NOL4L: variants seen among roughly 807,000 people sequenced by gnomAD.
The protein encoded by NOL4L is nucleolar protein 4 like.
In NOL4L, 7 loss-of-function variants were observed where a neutral mutation model predicts 64.5. The observed-to-expected ratio is 0.11, with a 90% CI of 0.06 to 0.20. The LOEUF is 0.20. NOL4L is among the 10% of genes least tolerant of loss of function. The pLI is 1.00. For missense variants in NOL4L, 680 were observed against 967.1 expected (o/e 0.70, Z 3.94); for synonymous variants, 413 against 401.0 (o/e 1.03, Z -0.36).
intron 4 of NOL4L, among the ~76,000 whole-genome samples, chr20:32,495,319 ACT>A (rs1449081637): frequency 6.6e-6 from 1 of 152,106 alleles, no homozygotes; most frequent in Non-Finnish European, 1.5e-5. Context: ...GGGCTCTGTG[ACT>A]CATATCTGTC....
At position 32,447,296 on chromosome 20, in the gene NOL4L, T is replaced by C. The variant is rs1365018670; in HGVS notation, c.*300A>G. 6.8e-6 allele frequency: 4 copies of C among 586,922 alleles called. No homozygotes were observed. Among genetic ancestry groups the C allele is most frequent in the African/African-American group, 5.7e-5 (3 of 52,600 alleles). 36.4% of individuals were successfully genotyped at this position (586,922 alleles called of 1,614,324 possible). ...ACATCAGGGTCCACGAAGGTGATTC[T>C]AAACAGAGCTGCAGCCCCAGCGCCT... On this transcript the variant is annotated 3_prime_UTR_variant, in exon 11 of 11. Coordinates refer to ENST00000621426, the MANE Select transcript of NOL4L (RefSeq NM_001256798.2).
chr20:32,566,706 GC>G (rs1979452456), intron 1 of NOL4L, among the ~76,000 whole-genome samples: 1 of 152,134 alleles, frequency 6.6e-6, no homozygotes, highest in East Asian at 1.9e-4. Context: ...ATAGCTGAAG[GC>G]CTCTCACTGA....
intron 1 of NOL4L, among the ~76,000 whole-genome samples, chr20:32,583,891 A>AC (rs200234225): frequency 6.8e-6 from 1 of 147,072 alleles, no homozygotes; most frequent in Non-Finnish European, 1.5e-5. Context: ...CCCCCGTCCC[A>AC]TGAAGGGGGA....
intron 3 of NOL4L, among the ~76,000 whole-genome samples, chr20:32,515,729 G>A (rs376564916): frequency 1.3e-5 from 2 of 152,126 alleles, no homozygotes; most frequent in African/African-American, 4.8e-5. Context: ...TGCCACACTC[G>A]AGCCTCTACA....
intron 1 of NOL4L, among the ~76,000 whole-genome samples, chr20:32,566,077 G>C (rs1023688228): frequency 6.6e-6 from 1 of 152,146 alleles, no homozygotes; most frequent in East Asian, 1.9e-4. Flanking sequence ...AACATTTACT[G>C]AGAAGCTCCT....
chr20:32,488,805 TTTTCTTTC>T (rs1185112628), intron 4 of NOL4L, among the ~76,000 whole-genome samples: 403 of 30,188 alleles, frequency 0.013, 31 homozygotes, highest in Non-Finnish European at 0.014. Context: ...CTTTCTTTCT[TTTTCTTTC>T]TTTCTTTCTT....
At chr20:32,528,850 AG>A (rs939047042) in intron 1 of NOL4L, among the ~76,000 whole-genome samples, 9 of 152,228 alleles carry the variant, frequency 5.9e-5, no homozygotes, top group African/African-American at 2.2e-4. Flanking sequence ...TGGGGACGTT[AG>A]GGGGCTTTGA....
chr20:32,511,694 A>T (rs953310480), intron 3 of NOL4L, among the ~76,000 whole-genome samples: 5 of 152,190 alleles, frequency 3.3e-5, no homozygotes, highest in African/African-American at 1.2e-4. Flanking sequence ...ACACGTTAAA[A>T]AACAATGAGG....
chr20:32,468,168 C>T (rs976587676), intron 5 of NOL4L, among the ~76,000 whole-genome samples: 32 of 152,138 alleles, frequency 2.1e-4, no homozygotes, highest in African/African-American at 7.2e-4. Context: ...GGGGAAGGGC[C>T]GGCCAGATCC....
At chr20:32,538,804 G>A (rs781091331) in intron 1 of NOL4L, among the ~76,000 whole-genome samples, 106 of 152,328 alleles carry the variant, frequency 7.0e-4, no homozygotes, top group South Asian at 6.2e-4. Flanking sequence ...CGTCGCTCCC[G>A]TCTAGCCGGC....
chr20:32,483,599 G>C, intron 4 of NOL4L: 2 of 821,174 alleles, frequency 2.4e-6, no homozygotes, highest in Non-Finnish European at 2.9e-6. Flanking sequence ...CGGAGGAAGG[G>C]GGAGGGGGCA....
chr20:32,486,907 C>CA, intron 4 of NOL4L: 1 of 407,620 alleles, frequency 2.5e-6, no homozygotes, highest in East Asian at 7.2e-5. Flanking sequence ...AGAAACTCCA[C>CA]AACACAACAG....
At chr20:32,518,615 G>A (rs1252368982) in intron 3 of NOL4L, among the ~76,000 whole-genome samples, 2 of 152,244 alleles carry the variant, frequency 1.3e-5, no homozygotes, top group African/African-American at 4.8e-5. Flanking sequence ...AGCCCCTCTT[G>A]GCTTCGCCTC....
At chr20:32,472,182 G>C (rs1219556529) in intron 5 of NOL4L, among the ~76,000 whole-genome samples, 1 of 152,216 alleles carries the variant, frequency 6.6e-6, no homozygotes, top group Non-Finnish European at 1.5e-5. Context: ...TGGTGTGCTT[G>C]GGTAGGTCTC....
At chr20:32,461,418 TTTC>T (rs200830354) in intron 5 of NOL4L, among the ~76,000 whole-genome samples, 13,342 of 64,472 alleles carry the variant, frequency 0.21, 1,400 homozygotes, top group East Asian at 0.47. Context: ...CTACCTTTCT[TTTC>T]TTTTTTTTTT....
intron 4 of NOL4L, 28 bp downstream of exon 4, chr20:32,511,319 G>C: frequency 4.1e-6 from 6 of 1,451,554 alleles, no homozygotes; most frequent in Non-Finnish European, 5.7e-6. Context: ...ACGCCTCCAG[G>C]TGGGGTGAGG....
rs535649596 is a variant in NOL4L, at chr20:32,486,012, C to T, written c.700-11270G>A. On this transcript the variant is annotated intron_variant, in intron 4 of 10. Transcript: ENST00000621426. ...GCAGTGATTTTCTGTAGGCATGAAA[C>T]GTGAACTCATTTACTATCCCTGAGA... 6.4e-4 allele frequency among the ~76,000 whole-genome samples: 98 copies of T among 152,314 alleles called. 1 individual carries two copies. Among genetic ancestry groups the T allele is most frequent in the Admixed American group, 8.5e-4 (13 of 15,298 alleles).
At position 32,453,281 on chromosome 20, in the gene NOL4L, TG is replaced by T; in HGVS notation, c.1497+22del. On this transcript the variant is annotated intron_variant, in intron 8 of 10. Transcript: ENST00000621426. This position sits in a 1 kb window ranked among gnomAD's most constrained non-coding sequence, Gnocchi z 5.6. ...TCAGTAGTGGCACCGAGGGAAAGTG[TG>T]GGCCAGGCAGGGGGGACTCACCATC... 1 of 1,606,612 alleles carries T rather than the reference TG, an allele frequency of 6.2e-7. No homozygotes were observed. The highest frequency in any genetic ancestry group is 8.5e-7 in the Non-Finnish European group (1 of 1,174,792).
rs1434322081 is a variant in NOL4L at position 32,474,678 on chromosome 20, G to A, written c.764C>T (p.Pro255Leu). The change falls in exon 5 of 11, where the codon CCG becomes CTG. Residue 255 changes from proline (P) to leucine (L), a missense_variant. By Grantham distance (98) the Pro-to-Leu change is moderately conservative. This residue lies in a region of NOL4L where 254 missense variants were observed against 238.7 expected (regional missense o/e 1.06). Coordinates refer to ENST00000621426, the MANE Select transcript of NOL4L (RefSeq NM_001256798.2). Reference protein sequence around the residue: ...MSDSTWMSADPHLASSLSPSQ... With the variant: ...MSDSTWMSADLHLASSLSPSQ... ...GGGGCTCAGGCTGGAGGCCAGGTGCGGGTCAGCTGACATCCATGTGGAGTC... is the reference window on the plus strand; with the variant it reads ...GGGGCTCAGGCTGGAGGCCAGGTGCAGGTCAGCTGACATCCATGTGGAGTC... The A allele has an allele frequency of 1.7e-5, 28 of 1,613,670 alleles. 1 individual carries two copies. Among genetic ancestry groups the A allele is most frequent in the East Asian group, 6.7e-5 (3 of 44,890 alleles).
Sources: gnomAD v4.1 joint callset for allele counts (sites outside exome capture counted in the v4.1 genomes callset) on GRCh38, gnomAD v4.1.1 for gene constraint, gnomAD v4.1.1 regional missense constraint, Gnocchi (gnomAD v3.1) non-coding constraint, MANE v1.5 for transcripts, NCBI Gene and HGNC (gene_info 2026-07-23, HGNC 2026-07-21) for gene names.